SPATA3: variants seen among roughly 807,000 people sequenced by gnomAD.
SPATA3 encodes the protein spermatogenesis associated 3.
A neutral mutation model predicts 5.7 loss-of-function variants in SPATA3; 6 were observed. The ratio of observed to expected loss-of-function variants is 1.06; its 90% CI spans 0.58 to 2.09. The LOEUF (loss-of-function observed/expected upper bound fraction) is 2.09, where lower values mean the gene tolerates loss of function less well. Ranked by LOEUF, SPATA3 falls within the 30% of genes most tolerant of loss-of-function variation. The probability of loss-of-function intolerance (pLI) is 0.00; values close to 1 mark genes in which losing one functional copy is unlikely to be tolerated. For missense variants in SPATA3, 155 were observed against 130.4 expected (o/e 1.19, Z -0.92); for synonymous variants, 44 against 48.4 (o/e 0.91, Z 0.37).
rs111949843 is a variant in SPATA3 at position 231,000,282 on chromosome 2, C to T, written c.791-84C>T. On this transcript the variant is annotated intron_variant, in intron 1 of 2. Transcript: ENST00000645363. The stretch of plus-strand genomic sequence containing the variant: ...CTGCAGCTGCTGCCGTTGTGGGGGG[C>T]CTTCTCAGACTGTGTTCCAGACTCC... 4.9e-5 allele frequency: 61 copies of T among 1,237,536 alleles called. 2 individuals are homozygous for T. In the African/African-American group the frequency reaches 6.0e-4, roughly 12 times the overall value. 76.7% of individuals were successfully genotyped at this position (1,237,536 alleles called of 1,614,324 possible).
intron 2 of SPATA3, 58 bp downstream of exon 2, chr2:231,000,595 C>T (rs1692314083): frequency 1.5e-6 from 2 of 1,358,830 alleles, no homozygotes; most frequent in Non-Finnish European, 1.9e-6. Context: ...CCAGGCTCTG[C>T]CCCCAGACCT....
chr2:231,017,848 C>A (rs937873570), intron 6 of SPATA3, among the ~76,000 whole-genome samples: 2 of 152,078 alleles, frequency 1.3e-5, no homozygotes, highest in Non-Finnish European at 1.5e-5. Context: ...TCCTCTGAGA[C>A]CCCTTTATCT....
At chr2:230,996,296 T>C in intron 1 of SPATA3, 1 of 1,543,630 alleles carries the variant, frequency 6.5e-7, no homozygotes, top group South Asian at 1.2e-5. Context: ...CCTCCCAGCA[T>C]GCTAGCTCCA....
At chr2:231,007,153 G>T (rs1692658387), downstream of SPATA3, 3 of 152,110 alleles carry the variant, frequency 2.0e-5, no homozygotes. Context: ...AAACTGGAAA[G>T]CCACCAGGAT....
At chr2:231,018,493 T>C (rs941214757) in intron 6 of SPATA3, among the ~76,000 whole-genome samples, 2 of 152,218 alleles carry the variant, frequency 1.3e-5, no homozygotes, top group Admixed American at 1.3e-4. Flanking sequence ...TTTAGTCTCA[T>C]AGTTTGTGTG....
exon 7 of SPATA3, chr2:231,019,724 C>T (rs1693032228): frequency 6.6e-6 from 1 of 151,132 alleles, no homozygotes; most frequent in African/African-American, 2.4e-5. Context: ...TTCCAGACCC[C>T]CTCAATATCC....
chr2:231,011,765 C>G (rs1405240609), downstream of SPATA3, among the ~76,000 whole-genome samples: 3 of 152,336 alleles, frequency 2.0e-5, no homozygotes, highest in African/African-American at 4.8e-5. Flanking sequence ...GCCCCAGGCT[C>G]AGGGCCATGT....
intron 6 of SPATA3, among the ~76,000 whole-genome samples, chr2:231,016,944 T>G (rs1265197886): frequency 1.3e-5 from 2 of 152,230 alleles, no homozygotes; most frequent in Non-Finnish European, 2.9e-5. Context: ...TTCCCCACCC[T>G]GATGATACAG....
intron 6 of SPATA3, among the ~76,000 whole-genome samples, chr2:231,015,927 C>G (rs532740229): frequency 6.6e-6 from 1 of 152,360 alleles, no homozygotes; most frequent in East Asian, 1.9e-4. Flanking sequence ...GGGCAGGAGA[C>G]TCCTTAAAAA....
At chr2:230,996,929 G>A (rs1692145922) in intron 1 of SPATA3, among the ~76,000 whole-genome samples, 1 of 152,200 alleles carries the variant, frequency 6.6e-6, no homozygotes, top group African/African-American at 2.4e-5. Flanking sequence ...ATCCTTTTGG[G>A]CTGTAAAAGA....
chr2:231,000,601 G>C, intron 2 of SPATA3, 64 bp downstream of exon 2: 1 of 1,340,430 alleles, frequency 7.5e-7, no homozygotes, highest in African/African-American at 1.5e-5. Context: ...TCTGCCCCCA[G>C]ACCTTATTAG....
chr2:231,006,000 CAAA>C (rs35868663), downstream of SPATA3, among the ~76,000 whole-genome samples: 44 of 124,262 alleles, frequency 3.5e-4, no homozygotes, highest in African/African-American at 4.5e-4. Flanking sequence ...CTTGTCTCTA[CAAA>C]AAAAAAAAAA....
At chr2:231,010,465 A>G (rs1458207779), downstream of SPATA3, among the ~76,000 whole-genome samples, 1 of 152,196 alleles carries the variant, frequency 6.6e-6, no homozygotes, top group Non-Finnish European at 1.5e-5. Context: ...GACTGCAAAC[A>G]AGGTAGGTCA....
chr2:231,009,750 G>T (rs970181484), downstream of SPATA3, among the ~76,000 whole-genome samples: 1 of 152,180 alleles, frequency 6.6e-6, no homozygotes, highest in Admixed American at 6.5e-5. Flanking sequence ...GTTAGGTCCT[G>T]GAGGCAGAGA....
intron 2 of SPATA3, among the ~76,000 whole-genome samples, chr2:231,001,260 G>T (rs10166777): frequency 0.35 from 53,738 of 151,966 alleles, 9,757 homozygotes; most frequent in East Asian, 0.47. Flanking sequence ...ATGTTCCCAC[G>T]TTTGGGCGCT....
chr2:231,008,001 C>A (rs867736303), downstream of SPATA3, among the ~76,000 whole-genome samples: 1 of 152,038 alleles, frequency 6.6e-6, no homozygotes, highest in Non-Finnish European at 1.5e-5. Flanking sequence ...CATAGCAAGA[C>A]CCTGTCTCAA....
At chr2:231,012,284 T>G (rs543396389), downstream of SPATA3, among the ~76,000 whole-genome samples, 1 of 152,202 alleles carries the variant, frequency 6.6e-6, no homozygotes, top group African/African-American at 2.4e-5. Flanking sequence ...ATCTGAGGAG[T>G]GCATCAAGGA....
downstream of SPATA3, among the ~76,000 whole-genome samples, chr2:231,007,866 TG>T (rs1404391677): frequency 1.3e-5 from 2 of 152,166 alleles, 1 homozygote; most frequent in African/African-American, 4.8e-5. Flanking sequence ...GGAAGGAGGC[TG>T]GGCCTGGTGG....
At chr2:231,003,738 G>A (rs1692440156), downstream of SPATA3, among the ~76,000 whole-genome samples, 1 of 152,176 alleles carries the variant, frequency 6.6e-6, no homozygotes, top group Admixed American at 6.5e-5. Flanking sequence ...CACAGGAGTT[G>A]GGCAGTGGAT....
Sources: gnomAD v4.1 joint callset for allele counts (sites outside exome capture counted in the v4.1 genomes callset) on GRCh38, gnomAD v4.1.1 for gene constraint, MANE v1.5 for transcripts, NCBI Gene and HGNC (gene_info 2026-07-23, HGNC 2026-07-21) for gene names.